The following CLCN2 variants were observed in gnomAD, a reference collection of about 807,000 sequenced individuals.
CLCN2 encodes the protein chloride channel protein 2.
Under a neutral mutation model 108.3 loss-of-function variants are expected in CLCN2, and 72 were observed. That is an observed-to-expected ratio of 0.66 (90% CI 0.55 to 0.81). The LOEUF (loss-of-function observed/expected upper bound fraction) is 0.81, where lower values mean the gene tolerates loss of function less well. Among genes scored for constraint, CLCN2 ranks in the 30% least tolerant of loss-of-function variants. The pLI, the probability that CLCN2 is intolerant of heterozygous loss-of-function variation, is 0.00. For missense variants in CLCN2, 1,048 were observed against 1,205.2 expected (o/e 0.87, Z 1.93); for synonymous variants, 471 against 467.1 (o/e 1.01, Z -0.11).
Position 184,357,762 on chromosome 3 carries a change from C to G in CLCN2, c.693+17G>C, listed in dbSNP as rs1711511681. 1.2e-6 allele frequency: 2 copies of G among 1,613,814 alleles called. No homozygotes were observed. Among genetic ancestry groups the G allele is most frequent in the African/African-American group, 1.3e-5 (1 of 74,946 alleles). On this transcript the variant is annotated intron_variant, in intron 6 of 23. Transcript: ENST00000265593. ...TCAGCAGCCTCTGCCCCCTACTTGC[C>G]CCAGGGTTCCCCTTACCTCATAGAT...
At chr3:184,352,873 G>T in intron 18 of CLCN2, 63 bp from the exon 19 acceptor site, 1 of 1,596,008 alleles carries the variant, frequency 6.3e-7, no homozygotes, top group Non-Finnish European at 8.6e-7. Context: ...GACCAGGAAA[G>T]GTAAGGAAGA....
intron 16 of CLCN2, 90 bp from the exon 17 acceptor site, chr3:184,353,512 G>A: frequency 1.3e-6 from 2 of 1,531,008 alleles, no homozygotes; most frequent in South Asian, 1.2e-5. Flanking sequence ...GGCCTTGCAT[G>A]CAGGCCACAC....
intron 16 of CLCN2, 113 bp downstream of exon 16, chr3:184,353,549 G>A: frequency 1.9e-6 from 3 of 1,557,316 alleles, no homozygotes; most frequent in Non-Finnish European, 8.7e-7. Flanking sequence ...CACCTGGCAA[G>A]TGCTGGTCCA....
rs938647074 is a variant in CLCN2, at chr3:184,355,503, G to C, written c.1197C>G (p.Thr399=). The C allele has an allele frequency of 3.7e-5, 60 of 1,613,978 alleles. No individual in the cohort carries two copies. Among genetic ancestry groups the C allele is most frequent in the Non-Finnish European group, 4.8e-5 (57 of 1,179,996 alleles). ...GGACCCACGTCCGATTGTCAAACAG[G>C]GTGACCAGCGTCTCTTTCTGTGAGA... is the stretch of plus-strand genomic sequence containing the variant. ...GQLSQKETLV[T]LFDNRTWVRQ... Residue 399 remains threonine (T), a synonymous_variant, in exon 12 of 24, where the codon ACC becomes ACG. Coordinates refer to ENST00000265593, the MANE Select transcript of CLCN2 (RefSeq NM_004366.6). The surrounding 1 kb of genome is among the most constrained non-coding windows in gnomAD (Gnocchi z 6.3).
chr3:184,357,891 G>A (rs1711518733), intron 5 of CLCN2, 35 bp from the exon 6 acceptor site: 3 of 1,613,436 alleles, frequency 1.9e-6, no homozygotes, highest in East Asian at 2.2e-5. Flanking sequence ...TCGGGAGGGG[G>A]CCCGCCCTGA....
At chr3:184,350,912 T>C (rs1390416845) in intron 22 of CLCN2, among the ~76,000 whole-genome samples, 1 of 152,186 alleles carries the variant, frequency 6.6e-6, no homozygotes, top group Non-Finnish European at 1.5e-5. Flanking sequence ...AATGTCAGCA[T>C]GATCATCATC....
At chr3:184,352,999 T>G in intron 18 of CLCN2, 34 bp downstream of exon 18, 2 of 1,594,556 alleles carry the variant, frequency 1.3e-6, no homozygotes, top group African/African-American at 1.3e-5. Context: ...GTAGCTTGGC[T>G]GAGGCTCTGT....
Position 184,354,197 on chromosome 3 carries a change from T to C in CLCN2, c.1625A>G (p.Asn542Ser). 1.2e-6 allele frequency: 2 copies of C among 1,613,166 alleles called. No homozygotes were observed. The highest frequency in any genetic ancestry group is 2.2e-5 in the East Asian group (1 of 44,808). Residue 542 changes from asparagine to serine, a missense_variant, in exon 15 of 24, where the codon AAC (asparagine) becomes AGC (serine). By Grantham distance (46) the Asn-to-Ser change is conservative. Transcript: ENST00000265593. ...GGGCTGCAGACTCTGGGCGACAGCG[T>C]TGGCCAGGATGACGGCGATCATGAC... ...LPVMIAVILA[N>S]AVAQSLQPSL... is the part of the protein sequence containing the mutation.
Position 184,346,277 on chromosome 3 carries a change from A to G in CLCN2, c.*329T>C. 1 of 411,622 alleles carries G rather than the reference A, an allele frequency of 2.4e-6. No homozygotes were observed. Among genetic ancestry groups the G allele is most frequent in the Non-Finnish European group, 4.5e-6 (1 of 220,674 alleles). The allele number at this position is 411,622 out of a possible 1,614,324, so 25.5% of individuals were successfully genotyped here. On this transcript the variant is annotated 3_prime_UTR_variant, in exon 24 of 24. Coordinates refer to ENST00000265593, the MANE Select transcript of CLCN2 (RefSeq NM_004366.6). This position sits in a 1 kb window ranked among gnomAD's most constrained non-coding sequence, Gnocchi z 6.0. ...TATAAAAATCTTTGTAAATCTCTATATACATCTGGTCATTGGAGGTTCCAG... is the reference window on the plus strand; with the variant it reads ...TATAAAAATCTTTGTAAATCTCTATGTACATCTGGTCATTGGAGGTTCCAG...
chr3:184,358,279 G>C lies in CLCN2; in HGVS notation c.384C>G (p.Thr128=). Residue 128 remains threonine (T), a synonymous_variant, in exon 4 of 24, where the codon ACC becomes ACG. Coordinates refer to ENST00000265593, the MANE Select transcript of CLCN2 (RefSeq NM_004366.6). ...AQQWMSRGLN[T]SILLQYLAWV... is the part of the protein sequence containing the mutation. Reference sequence around the variant, plus strand: ...AGGCCAGGTACTGGAGCAAGATGCTGGTGTTCAAGCCCCGGGACATCCACT... The same window carrying C: ...AGGCCAGGTACTGGAGCAAGATGCTCGTGTTCAAGCCCCGGGACATCCACT... The C allele has an allele frequency of 6.2e-7, 1 of 1,614,126 alleles. No homozygotes were observed. The highest frequency in any genetic ancestry group is 8.5e-7 in the Non-Finnish European group (1 of 1,180,034).
Position 184,353,804 on chromosome 3 carries a change from CGA to C in CLCN2, c.1722-11_1722-10del. On this transcript the variant is annotated splice_polypyrimidine_tract_variant and intron_variant, in intron 15 of 23. Coordinates refer to ENST00000265593, the MANE Select transcript of CLCN2 (RefSeq NM_004366.6). ...CACGCACCCGGTACTGCCTGGGGGCCGAGAGAGGCGCTTGGTTTGTGGTCAGC... is the reference window on the plus strand; with the variant it reads ...CACGCACCCGGTACTGCCTGGGGGCCGAGAGGCGCTTGGTTTGTGGTCAGC... 6.2e-7 allele frequency: 1 copy of C among 1,602,942 alleles called. No individual in the cohort carries two copies. Among genetic ancestry groups the C allele is most frequent in the Non-Finnish European group, 8.5e-7 (1 of 1,175,636 alleles).
In CLCN2 at chr3:184,353,809, G is replaced by A. The variant is rs889388433; in HGVS notation, c.1722-14C>T. On this transcript the variant is annotated splice_polypyrimidine_tract_variant and intron_variant, in intron 15 of 23. Transcript: ENST00000265593. ...ACCCGGTACTGCCTGGGGGCCGAGA[G>A]AGGCGCTTGGTTTGTGGTCAGCATG... 1.2e-6 allele frequency: 2 copies of A among 1,602,066 alleles called. No individual in the cohort carries two copies. The highest frequency in any genetic ancestry group is 1.3e-5 in the African/African-American group (1 of 74,806).
rs1728471527 is a variant in CLCN2, at chr3:184,355,407, G to A, written c.1293C>T (p.Val431=). The A allele has an allele frequency of 1.2e-6, 2 of 1,613,904 alleles. No homozygotes were observed. Among genetic ancestry groups the A allele is most frequent in the South Asian group, 2.2e-5 (2 of 91,076 alleles). ...GAATGAAGATGACCAGGGTGAGGAA[G>A]ACGTTGGCACGTGGTGGGTTCCAGG... ...SQAWNPPRAN[V]FLTLVIFILM... Residue 431 remains valine, a synonymous_variant, in exon 12 of 24, where the codon GTC becomes GTT. Coordinates refer to ENST00000265593, the MANE Select transcript of CLCN2 (RefSeq NM_004366.6). The surrounding 1 kb of genome is among the most constrained non-coding windows in gnomAD (Gnocchi z 6.3).
rs372735937 is a variant in CLCN2 at position 184,354,118 on chromosome 3, G to A, written c.1704C>T (p.Leu568=). The change falls in exon 15 of 24, where the codon CTC becomes CTT. Residue 568 remains leucine, a synonymous_variant. Transcript: ENST00000265593. The part of the protein sequence containing the change: ...RIKKLPYLPE[L]GWGRHQQYRV... ...CTCCGTACTGGTGGCGGCCCCAGCC[G>A]AGCTCAGGCAGGTAGGGCAGTTTCT... 2.4e-5 allele frequency: 39 copies of A among 1,612,320 alleles called. No homozygotes were observed. In the African/African-American group the frequency reaches 2.8e-4, roughly 12 times the overall value.
In CLCN2 at chr3:184,346,466, G is replaced by A; in HGVS notation, c.*140C>T. ...CAGGTAGGATGAACTGGGAGAAGCT[G>A]GCACCCCAGGTCTGGAGGGGGCTGG... is the stretch of plus-strand genomic sequence containing the variant. On this transcript the variant is annotated 3_prime_UTR_variant, in exon 24 of 24. Transcript: ENST00000265593. This position sits in a 1 kb window ranked among gnomAD's most constrained non-coding sequence, Gnocchi z 6.0. 1.1e-6 allele frequency: 1 copy of A among 927,260 alleles called. No homozygotes were observed. The highest frequency in any genetic ancestry group is 2.0e-5 in the Admixed American group (1 of 49,770). 57.4% of individuals were successfully genotyped at this position (927,260 alleles called of 1,614,324 possible).
At chr3:184,351,353 C>T (rs185331817) in intron 22 of CLCN2, among the ~76,000 whole-genome samples, 55 of 152,296 alleles carry the variant, frequency 3.6e-4, no homozygotes, top group Non-Finnish European at 5.7e-4. Context: ...GAGTCCTGGA[C>T]GCAGAGAGCT....
In CLCN2 at chr3:184,353,762, C is replaced by T. The variant is rs748922056; in HGVS notation, c.1755G>A (p.Val585=). The T allele has an allele frequency of 5.0e-6, 8 of 1,607,034 alleles. No individual in the cohort carries two copies. The highest frequency in any genetic ancestry group is 3.4e-5 in the Admixed American group (2 of 58,860). Reference sequence around the variant, plus strand: ...TGAGGGCCACATGGGGAACATCCCGCACCATGATGTCCTCCACACGCACCC... The same window carrying T: ...TGAGGGCCACATGGGGAACATCCCGTACCATGATGTCCTCCACACGCACCC... ...QYRVRVEDIM[V]RDVPHVALSC... The change falls in exon 16 of 24, where the codon GTG becomes GTA. Residue 585 remains valine, a synonymous_variant. Transcript: ENST00000265593.
chr3:184,348,320 A>G (rs1007697609), intron 22 of CLCN2: 1 of 152,056 alleles, frequency 6.6e-6, no homozygotes, highest in Non-Finnish European at 1.5e-5. Flanking sequence ...GCAATATGCG[A>G]AACCCTGTCT....
Position 184,358,796 on chromosome 3 carries a change from G to A in CLCN2, c.238C>T (p.His80Tyr), listed in dbSNP as rs779644166. 8 of 1,613,560 alleles carry A rather than the reference G, an allele frequency of 5.0e-6. 1 individual carries two copies. In the South Asian group the frequency reaches 7.7e-5, roughly 16 times the overall value. ...CCAACCCTGGATACTAGGAACTTGT[G>A]GCAGCGGACAGAACAGACTGGGTGC... ...ARCRVCSVRCHKFLVSRVGED... is the reference protein window; with the variant it reads ...ARCRVCSVRCYKFLVSRVGED... Residue 80 changes from histidine (H) to tyrosine (Y), a missense_variant, in exon 3 of 24, where the codon CAC (histidine) becomes TAC (tyrosine). Physicochemically the swap from His to Tyr is moderately conservative, Grantham distance 83. Transcript: ENST00000265593.
Sources: allele counts gnomAD v4.1 joint callset (sites outside exome capture counted in the v4.1 genomes callset), GRCh38; gene constraint gnomAD v4.1.1; non-coding constraint Gnocchi (gnomAD v3.1); transcripts MANE v1.5; gene names NCBI Gene and HGNC (gene_info 2026-07-23, HGNC 2026-07-21).